The following GLIS3 variants were observed in gnomAD, a reference collection of about 807,000 sequenced individuals.
The protein encoded by GLIS3 is GLIS family zinc finger 3.
A neutral mutation model predicts 78.6 loss-of-function variants in GLIS3; 53 were observed. The ratio of observed to expected loss-of-function variants is 0.67; its 90% CI spans 0.54 to 0.85. The LOEUF (loss-of-function observed/expected upper bound fraction) is 0.85, where lower values mean the gene tolerates loss of function less well. GLIS3 is among the 40% of genes least tolerant of loss of function. The pLI is 0.00. For synonymous variants in GLIS3, 684 were observed against 509.9 expected (o/e 1.34, Z -4.60); for missense variants, 1,703 against 1,231.1 (o/e 1.38, Z -5.74).
intron 2 of GLIS3, among the ~76,000 whole-genome samples, chr9:4,279,353 AC>A (rs2130264906): frequency 1.6e-5 from 1 of 61,802 alleles, no homozygotes. Context: ...ACACACACAC[AC>A]ACACACACAT....
intron 8 of GLIS3, among the ~76,000 whole-genome samples, chr9:3,875,851 A>G (rs1821274998): frequency 6.6e-6 from 1 of 152,154 alleles, no homozygotes; most frequent in Admixed American, 6.5e-5. Context: ...TCATTCTCCC[A>G]TCATATAAAG....
chr9:4,221,090 T>A (rs1821292916), intron 2 of GLIS3, among the ~76,000 whole-genome samples: 1 of 152,188 alleles, frequency 6.6e-6, no homozygotes, highest in African/African-American at 2.4e-5. Flanking sequence ...TTCTAGGACC[T>A]ACACACTGAA....
chr9:4,184,192 T>C (rs1306859832), intron 2 of GLIS3, among the ~76,000 whole-genome samples: 4 of 152,206 alleles, frequency 2.6e-5, no homozygotes, highest in East Asian at 3.8e-4. Context: ...CAACTCTTGA[T>C]TATCCTTGGC....
At chr9:3,902,132 A>G (rs999492000) in intron 6 of GLIS3, among the ~76,000 whole-genome samples, 2 of 152,226 alleles carry the variant, frequency 1.3e-5, no homozygotes, top group South Asian at 4.1e-4. Flanking sequence ...ATGTTTTCCA[A>G]CAGTGTGAGT....
chr9:4,180,107 GA>G (rs1817171535), intron 2 of GLIS3, among the ~76,000 whole-genome samples: 1 of 152,118 alleles, frequency 6.6e-6, no homozygotes, highest in Non-Finnish European at 1.5e-5. Flanking sequence ...TGTCAAGGCT[GA>G]GCTGGGGAGA....
At chr9:4,443,456 C>A in the GLIS3 span, among the ~76,000 whole-genome samples, 1 of 152,030 alleles carries the variant, frequency 6.6e-6, no homozygotes, top group Non-Finnish European at 1.5e-5. Flanking sequence ...AATTCTCATT[C>A]ATAATAAATT....
the GLIS3 span, among the ~76,000 whole-genome samples, chr9:4,465,103 T>G: frequency 6.6e-6 from 1 of 152,232 alleles, no homozygotes; most frequent in Non-Finnish European, 1.5e-5. Flanking sequence ...AATCAACATT[T>G]CCCTCTCTCT....
chr9:4,135,520 CATT>C (rs1379598634), intron 2 of GLIS3, among the ~76,000 whole-genome samples: 1 of 152,104 alleles, frequency 6.6e-6, no homozygotes, highest in Admixed American at 6.5e-5. Flanking sequence ...TGTCTCTAAG[CATT>C]ATTACTTATT....
At chr9:4,169,767 G>A (rs1816211261) in intron 2 of GLIS3, among the ~76,000 whole-genome samples, 1 of 152,196 alleles carries the variant, frequency 6.6e-6, no homozygotes, top group South Asian at 2.1e-4. Flanking sequence ...TGAAGCAAAT[G>A]TGGTAAAAAG....
At chr9:4,457,088 T>C in the GLIS3 span, among the ~76,000 whole-genome samples, 1 of 152,112 alleles carries the variant, frequency 6.6e-6, no homozygotes, top group South Asian at 2.1e-4. Context: ...TTGAACTGGG[T>C]ACGATGGCTC....
At chr9:4,455,469 C>T in the GLIS3 span, among the ~76,000 whole-genome samples, 1 of 152,048 alleles carries the variant, frequency 6.6e-6, no homozygotes, top group Non-Finnish European at 1.5e-5. Context: ...TACTGAGGAT[C>T]AAACAGACAT....
chr9:4,382,352 T>C, the GLIS3 span, among the ~76,000 whole-genome samples: 1 of 152,206 alleles, frequency 6.6e-6, no homozygotes, highest in African/African-American at 2.4e-5. Flanking sequence ...ACAGTATGTG[T>C]AGGGAATAAA....
chr9:4,275,910 G>A (rs1477981322), intron 2 of GLIS3, among the ~76,000 whole-genome samples: 2 of 152,134 alleles, frequency 1.3e-5, no homozygotes, highest in East Asian at 1.9e-4. Context: ...CAAATCACAT[G>A]AGATAATCAA....
intron 9 of GLIS3, among the ~76,000 whole-genome samples, chr9:3,847,074 C>A (rs1296850374): frequency 6.6e-6 from 1 of 152,110 alleles, no homozygotes. Flanking sequence ...ATCTCAGGTA[C>A]TCGGGAGGCT....
chr9:3,881,740 C>T (rs952834953), intron 7 of GLIS3, among the ~76,000 whole-genome samples: 7 of 152,180 alleles, frequency 4.6e-5, no homozygotes, highest in South Asian at 4.1e-4. Flanking sequence ...GTGTCTATTA[C>T]GTACTTGATA....
chr9:4,144,335 G>C (rs1409597519), intron 2 of GLIS3, among the ~76,000 whole-genome samples: 3 of 152,180 alleles, frequency 2.0e-5, no homozygotes, highest in African/African-American at 7.2e-5. Flanking sequence ...CAAATACAAA[G>C]TGATATTTTT....
chr9:3,995,032 T>A (rs1563930295), intron 4 of GLIS3, among the ~76,000 whole-genome samples: 1 of 152,172 alleles, frequency 6.6e-6, no homozygotes, highest in African/African-American at 2.4e-5. Context: ...AGTATGGGTC[T>A]AGATTTGGAT....
At chr9:4,007,894 C>T (rs1372409314) in intron 4 of GLIS3, among the ~76,000 whole-genome samples, 13 of 10,658 alleles carry the variant, frequency 1.2e-3, no homozygotes, top group South Asian at 3.6e-3. Context: ...GGTGGGTGGG[C>T]GTTGGGGGGG....
chr9:3,970,259 T>C (rs1818280990), intron 4 of GLIS3, among the ~76,000 whole-genome samples: 1 of 152,124 alleles, frequency 6.6e-6, no homozygotes, highest in Non-Finnish European at 1.5e-5. Flanking sequence ...CTGATGCTAG[T>C]AAAGGGATTA....
Sources: allele counts gnomAD v4.1 joint callset (sites outside exome capture counted in the v4.1 genomes callset), GRCh38; gene constraint gnomAD v4.1.1; transcripts MANE v1.5; gene names NCBI Gene and HGNC (gene_info 2026-07-23, HGNC 2026-07-21).